The following CFAP69 variants were observed in gnomAD, a reference collection of about 807,000 sequenced individuals.
The protein encoded by CFAP69 is cilia- and flagella-associated protein 69.
Under a neutral mutation model 123.0 loss-of-function variants are expected in CFAP69, and 92 were observed. The ratio of observed to expected loss-of-function variants is 0.75; its 90% CI spans 0.63 to 0.89. The LOEUF (loss-of-function observed/expected upper bound fraction) is 0.89. CFAP69 is among the 40% of genes least tolerant of loss of function. The pLI is 0.00. For synonymous variants in CFAP69, 380 were observed against 364.3 expected (o/e 1.04, Z -0.49); for missense variants, 1,067 against 1,096.9 (o/e 0.97, Z 0.39).
intron 8 of CFAP69, 63 bp downstream of exon 8, chr7:90,272,021 C>A: frequency 7.1e-7 from 1 of 1,416,294 alleles, no homozygotes; most frequent in Non-Finnish European, 9.6e-7. Context: ...AGTGACATAA[C>A]TAACATCTTT....
At chr7:90,279,594 A>G in intron 11 of CFAP69, 83 bp from the exon 12 acceptor site, 1 of 800,854 alleles carries the variant, frequency 1.2e-6, no homozygotes, top group Non-Finnish European at 1.9e-6. Flanking sequence ...CCAATAAAAC[A>G]TCAAAATGTA....
At chr7:90,316,046 A>G (rs1009580358), downstream of CFAP69, among the ~76,000 whole-genome samples, 2 of 152,214 alleles carry the variant, frequency 1.3e-5, no homozygotes, top group African/African-American at 4.8e-5. Flanking sequence ...GTGAGCCAAG[A>G]TCACGCCATT....
rs964668030 is a variant in CFAP69, at chr7:90,301,344, T to C, written c.2050+1285T>C. On this transcript the variant is annotated intron_variant, in intron 17 of 22. Coordinates refer to ENST00000389297, the MANE Select transcript of CFAP69 (RefSeq NM_001039706.3). ...TCACTTTTTTTTTTAAATTTTATTTTAGGTTCAGGGGTACACATACAGGTT... is the reference window on the plus strand; with the variant it reads ...TCACTTTTTTTTTTAAATTTTATTTCAGGTTCAGGGGTACACATACAGGTT... The C allele has an allele frequency of 5.3e-5, 8 of 152,262 alleles. No individual in the cohort carries two copies. In the East Asian group the frequency reaches 1.5e-3, roughly 29 times the overall value. The allele number at this position is 152,262 out of a possible 1,614,324, so 9.4% of individuals were successfully genotyped here.
intron 15 of CFAP69, among the ~76,000 whole-genome samples, chr7:90,292,089 G>C (rs569062666): frequency 2.0e-5 from 3 of 152,022 alleles, no homozygotes; most frequent in Non-Finnish European, 2.9e-5. Flanking sequence ...TTATAATAAG[G>C]CCAATTTGCT....
At chr7:90,264,114 T>A (rs1159396550) in intron 4 of CFAP69, among the ~76,000 whole-genome samples, 3,534 of 24,678 alleles carry the variant, frequency 0.14, 784 homozygotes, top group East Asian at 0.69. Flanking sequence ...AATATATATA[T>A]ATATATATAT....
intron 16 of CFAP69, among the ~76,000 whole-genome samples, chr7:90,298,574 G>A (rs573300700): frequency 6.6e-6 from 1 of 152,252 alleles, no homozygotes; most frequent in Admixed American, 6.5e-5. Flanking sequence ...TAGCAAAAGT[G>A]CTAAAATTAT....
At chr7:90,273,795 G>C (rs904455479) in intron 8 of CFAP69, among the ~76,000 whole-genome samples, 192 bp from the exon 9 acceptor site, 4 of 152,106 alleles carry the variant, frequency 2.6e-5, no homozygotes, top group African/African-American at 9.7e-5. Context: ...ATGGAGGAAA[G>C]AGAGCAAGAC....
chr7:90,307,969 A>G (rs1479663861), intron 21 of CFAP69, 115 bp downstream of exon 21: 2 of 602,494 alleles, frequency 3.3e-6, no homozygotes, highest in Non-Finnish European at 5.7e-6. Context: ...GTACAATACC[A>G]GCACTATTAG....
rs377126276 is a variant in CFAP69 at position 90,245,497 on chromosome 7, A to C, written c.73A>C (p.Ser25Arg). 59 of 1,537,358 alleles carry C rather than the reference A, an allele frequency of 3.8e-5. No individual in the cohort carries two copies. Among genetic ancestry groups the C allele is most frequent in the Admixed American group, 1.5e-4 (7 of 47,126 alleles). ...CATCAGGAACAAGTCTAGCAGTTCCAGTCAAATCCCGGTGGTTGGGGTGGT... is the reference window on the plus strand; with the variant it reads ...CATCAGGAACAAGTCTAGCAGTTCCCGTCAAATCCCGGTGGTTGGGGTGGT... ...SGIRNKSSSS[S>R]QIPVVGVVTE... is the part of the protein sequence containing the mutation. The change falls in exon 1 of 23, where the codon AGT (serine) becomes CGT (arginine). Residue 25 changes from serine (S) to arginine (R), a missense_variant. Physicochemically the swap from Ser to Arg is moderately radical, Grantham distance 110 (BLOSUM62 -1). Coordinates refer to ENST00000389297, the MANE Select transcript of CFAP69 (RefSeq NM_001039706.3).
intron 18 of CFAP69, 96 bp from the exon 19 acceptor site, chr7:90,304,648 T>C: frequency 1.6e-6 from 1 of 611,046 alleles, no homozygotes; most frequent in Non-Finnish European, 2.0e-6. Flanking sequence ...GATAGGTAGA[T>C]AGATAGATAG....
chr7:90,292,074 A>G (rs1791288025), intron 15 of CFAP69, among the ~76,000 whole-genome samples: 2 of 152,216 alleles, frequency 1.3e-5, no homozygotes, highest in African/African-American at 4.8e-5. Flanking sequence ...TATCCTAAAG[A>G]CAAATTATAA....
intron 21 of CFAP69, among the ~76,000 whole-genome samples, chr7:90,308,235 C>T (rs1399338726): frequency 1.3e-5 from 2 of 152,002 alleles, no homozygotes; most frequent in Non-Finnish European, 2.9e-5. Flanking sequence ...TTACTCTGTC[C>T]CCCAAGAGCT....
chr7:90,273,187 G>C (rs541040352), intron 8 of CFAP69, among the ~76,000 whole-genome samples: 8 of 152,248 alleles, frequency 5.3e-5, no homozygotes, highest in African/African-American at 1.7e-4. Flanking sequence ...TGCATGCGGA[G>C]AGCATCCTAG....
chr7:90,307,084 A>G lies in CFAP69; in HGVS notation c.2449A>G (p.Lys817Glu), dbSNP rs535687646. 2.5e-6 allele frequency: 4 copies of G among 1,610,596 alleles called. No individual in the cohort carries two copies. Among genetic ancestry groups the G allele is most frequent in the Middle Eastern group, 1.7e-4 (1 of 6,016 alleles). The change falls in exon 20 of 23, where the codon AAA becomes GAA. Residue 817 changes from lysine to glutamate, a missense_variant. Physicochemically the swap from Lys to Glu is moderately conservative, Grantham distance 56 (BLOSUM62 1). Transcript: ENST00000389297. ...ATGCCAAGACATGCAAAATGAACAA[A>G]AAGTATATGCAAAAGTAAGCTACAT... is the stretch of plus-strand genomic sequence containing the variant. ...QACQDMQNEQ[K>E]VYAKIQATHK...
In CFAP69 at chr7:90,305,541, C is replaced by T. The variant is rs541863668; in HGVS notation, c.2265+721C>T. Among the ~76,000 whole-genome samples the T allele has an allele frequency of 1.1e-4, 17 of 151,160 alleles. No individual in the cohort carries two copies. The South Asian group carries it at 1.3e-3, about 11-fold the overall frequency. ...CCAAGTAGCTGGGATGACAGGCACC[C>T]GCCACCACGCCCAGCTAATTTTTGT... On this transcript the variant is annotated intron_variant, in intron 19 of 22. Coordinates refer to ENST00000389297, the MANE Select transcript of CFAP69 (RefSeq NM_001039706.3).
the CFAP69 span, chr7:90,319,563 G>A: frequency 2.5e-6 from 1 of 398,520 alleles, no homozygotes; most frequent in East Asian, 3.6e-5. Flanking sequence ...GCTCTATCTT[G>A]AGTTCCTTGA....
chr7:90,306,855 G>T, intron 19 of CFAP69, 46 bp from the exon 20 acceptor site: 1 of 1,128,364 alleles, frequency 8.9e-7, no homozygotes, highest in Non-Finnish European at 1.3e-6. Flanking sequence ...ACAATTGCAT[G>T]ATTTGTTTTT....
At chr7:90,300,338 T>C in intron 17 of CFAP69, 2 of 908,850 alleles carry the variant, frequency 2.2e-6, no homozygotes, top group Non-Finnish European at 2.6e-6. Flanking sequence ...GATGCTTCTT[T>C]GGGTTTTCTG....
the CFAP69 span, chr7:90,319,782 A>T: frequency 7.5e-6 from 3 of 398,508 alleles, no homozygotes; most frequent in East Asian, 1.1e-4. Context: ...GAGAGGATAT[A>T]TTTAACTTAA....
Sources: allele counts gnomAD v4.1 joint callset (sites outside exome capture counted in the v4.1 genomes callset), GRCh38; gene constraint gnomAD v4.1.1; transcripts MANE v1.5; gene names NCBI Gene and HGNC (gene_info 2026-07-23, HGNC 2026-07-21).